The following MRPL2 variants were observed in gnomAD, a reference collection of about 807,000 sequenced individuals.
The protein encoded by MRPL2 is mitochondrial ribosomal protein L2, also known as large ribosomal subunit protein uL2m.
In MRPL2, 27 loss-of-function variants were observed where a neutral mutation model predicts 34.6. The observed-to-expected ratio is 0.78, with a 90% CI of 0.58 to 1.08. The LOEUF (loss-of-function observed/expected upper bound fraction) is 1.08. Among genes scored for constraint, MRPL2 ranks in the 50% least tolerant of loss-of-function variants. The probability of loss-of-function intolerance (pLI) is 0.00; values close to 1 mark genes in which losing one functional copy is unlikely to be tolerated. For synonymous variants in MRPL2, 155 were observed against 158.0 expected (o/e 0.98, Z 0.14); for missense variants, 414 against 419.3 (o/e 0.99, Z 0.11).
intron 6 of MRPL2, 142 bp from the exon 7 acceptor site, chr6:43,054,628 G>T: frequency 1.5e-6 from 1 of 669,876 alleles, no homozygotes; most frequent in Non-Finnish European, 2.5e-6. Context: ...CTGACACTAA[G>T]TGAAGGTCCT....
At chr6:43,058,980 G>C in intron 1 of MRPL2, 4 of 690,078 alleles carry the variant, frequency 5.8e-6, no homozygotes, top group Non-Finnish European at 9.5e-6. Flanking sequence ...TTTGAAAGGA[G>C]TTCATTTATT....
intron 2 of MRPL2, among the ~76,000 whole-genome samples, chr6:43,056,820 G>A (rs1443930771): frequency 3.3e-5 from 5 of 151,996 alleles, no homozygotes; most frequent in African/African-American, 9.6e-5. Flanking sequence ...GACTACAGGT[G>A]CCCACCACCA....
In MRPL2 at chr6:43,054,482, A is replaced by G. The variant is rs758103606; in HGVS notation, c.710T>C (p.Leu237Pro). The change falls in exon 7 of 7, where the codon CTG becomes CCG. Residue 237 changes from leucine (L) to proline (P), a missense_variant. Physicochemically the swap from Leu to Pro is moderately conservative, Grantham distance 98 (BLOSUM62 -3). Transcript: ENST00000388752. ...GCCTACTGTTGCTACGCACGTTTCC[A>G]GCACCTGACAGAGAAAACAGATGGA... ...QLPSKRQMQV[L>P]ETCVATVGRV... 1 of 1,613,988 alleles carries G rather than the reference A, an allele frequency of 6.2e-7. No individual in the cohort carries two copies. Among genetic ancestry groups the G allele is most frequent in the South Asian group, 1.1e-5 (1 of 91,088 alleles).
Position 43,054,241 on chromosome 6 carries a change from G to C in MRPL2, c.*33C>G, listed in dbSNP as rs578105793. Reference sequence around the variant, plus strand: ...AAACCACAGTAACAGATTAAAACGGGGGGGGGGGGCATTTTATTAGAGTAC... The same window carrying C: ...AAACCACAGTAACAGATTAAAACGGCGGGGGGGGGCATTTTATTAGAGTAC... On this transcript the variant is annotated 3_prime_UTR_variant, in exon 7 of 7. Coordinates refer to ENST00000388752, the MANE Select transcript of MRPL2 (RefSeq NM_015950.5). 16 of 1,347,070 alleles carry C rather than the reference G, an allele frequency of 1.2e-5. No individual in the cohort carries two copies. Among genetic ancestry groups the C allele is most frequent in the South Asian group, 4.1e-5 (3 of 73,614 alleles). The allele number at this position is 1,347,070 out of a possible 1,614,324, so 83.4% of individuals were successfully genotyped here.
upstream of MRPL2, chr6:43,059,683 C>A (rs998914587): frequency 7.5e-7 from 1 of 1,336,848 alleles, no homozygotes. Flanking sequence ...CGGCAGATTG[C>A]AGGTGAGTCT....
intron 1 of MRPL2, 183 bp downstream of exon 1, chr6:43,059,103 G>T: frequency 1.3e-6 from 2 of 1,525,928 alleles, no homozygotes; most frequent in African/African-American, 1.4e-5. Flanking sequence ...CTCGTCTGAA[G>T]AATTTCGCCC....
Position 43,058,176 on chromosome 6 carries a change from G to A in MRPL2, c.154C>T (p.Pro52Ser). ...PSALMLLPCR[P>S]VLTSVALNAN... ...TTAAGGGCCACAGAAGTAAGAACTGGGCGGCAGGGGAGCAACATCAAGGCA... is the reference window on the plus strand; with the variant it reads ...TTAAGGGCCACAGAAGTAAGAACTGAGCGGCAGGGGAGCAACATCAAGGCA... Residue 52 changes from proline to serine, a missense_variant, in exon 2 of 7, where the codon CCA becomes TCA. Coordinates refer to ENST00000388752, the MANE Select transcript of MRPL2 (RefSeq NM_015950.5). 6.2e-7 allele frequency: 1 copy of A among 1,614,186 alleles called. No homozygotes were observed. Among genetic ancestry groups the A allele is most frequent in the Non-Finnish European group, 8.5e-7 (1 of 1,180,036 alleles).
intron 6 of MRPL2, 66 bp from the exon 7 acceptor site, chr6:43,054,552 A>C: frequency 7.0e-7 from 1 of 1,437,346 alleles, no homozygotes; most frequent in Non-Finnish European, 9.7e-7. Context: ...TGTTGAGAGC[A>C]CACCCTTGGG....
upstream of MRPL2, chr6:43,059,698 G>T: frequency 7.6e-7 from 1 of 1,307,258 alleles, no homozygotes; most frequent in Non-Finnish European, 9.7e-7. Flanking sequence ...GAGTCTTTGA[G>T]GGTATCCTGG....
upstream of MRPL2, chr6:43,059,673 C>A (rs866718898): frequency 3.0e-6 from 4 of 1,341,104 alleles, no homozygotes; most frequent in South Asian, 6.0e-5. Flanking sequence ...GCAGCCACAC[C>A]GGCAGATTGC....
intron 6 of MRPL2, among the ~76,000 whole-genome samples, chr6:43,054,962 C>G (rs996570693): frequency 2.6e-5 from 4 of 151,850 alleles, no homozygotes; most frequent in Non-Finnish European, 5.9e-5. Context: ...CCTGTAGTCC[C>G]AGCTACTTGG....
At position 43,055,636 on chromosome 6, in the gene MRPL2, T is replaced by C. The variant is rs775524224; in HGVS notation, c.632-18A>G. 1.9e-6 allele frequency: 3 copies of C among 1,613,772 alleles called. No individual in the cohort carries two copies. In the African/African-American group the frequency reaches 4.0e-5, roughly 22 times the overall value. On this transcript the variant is annotated intron_variant, in intron 5 of 6. Transcript: ENST00000388752. The stretch of plus-strand genomic sequence containing the variant: ...ACACGTCCCTGGGGAAAGAAGCTGA[T>C]TTGCCACCCTCCACAAAACAGGGGG...
Position 43,054,342 on chromosome 6 carries a change from G to C in MRPL2, c.850C>G (p.Arg284Gly), listed in dbSNP as rs771712024. 2 of 1,613,780 alleles carry C rather than the reference G, an allele frequency of 1.2e-6. No individual in the cohort carries two copies. Among genetic ancestry groups the C allele is most frequent in the Non-Finnish European group, 1.7e-6 (2 of 1,179,998 alleles). ...ATGGGGGGTAGTGGCCGAATCTTTC[G>C]GCCAGCCCAGCCCCCCTTGCGGTGC... ...RWHRKGGWAG[R>G]KIRPLPPMKS... Residue 284 changes from arginine (R) to glycine (G), a missense_variant, in exon 7 of 7, where the codon CGA becomes GGA. Transcript: ENST00000388752.
At chr6:43,057,834 G>A (rs1219169423) in intron 2 of MRPL2, 4 of 480,396 alleles carry the variant, frequency 8.3e-6, no homozygotes, top group South Asian at 4.3e-5. Context: ...CCTGTGTATG[G>A]CCCATTTTCT....
chr6:43,059,670 C>G (rs1042876380), upstream of MRPL2: 1 of 1,346,782 alleles, frequency 7.4e-7, no homozygotes, highest in Non-Finnish European at 9.5e-7. Context: ...GCGGCAGCCA[C>G]ACCGGCAGAT....
At chr6:43,059,461 T>C (rs1765015666), upstream of MRPL2, 3 of 1,466,578 alleles carry the variant, frequency 2.0e-6, no homozygotes, top group East Asian at 2.5e-5. Flanking sequence ...CGCTCCGCAA[T>C]AACGTAAAAG....
chr6:43,059,031 C>G (rs1764987447), intron 1 of MRPL2: 2 of 1,136,556 alleles, frequency 1.8e-6, no homozygotes, highest in Non-Finnish European at 1.2e-6. Context: ...CATAGGCACT[C>G]GAAACGTTAT....
chr6:43,059,716 G>T, upstream of MRPL2: 1 of 1,276,288 alleles, frequency 7.8e-7, no homozygotes, highest in Non-Finnish European at 9.9e-7. Flanking sequence ...TGGGGCTGAA[G>T]GTTAAGGTCT....
At position 43,054,431 on chromosome 6, in the gene MRPL2, T is replaced by G. The variant is rs1205207558; in HGVS notation, c.761A>C (p.Lys254Thr). 1 of 1,614,222 alleles carries G rather than the reference T, an allele frequency of 6.2e-7. No homozygotes were observed. Among genetic ancestry groups the G allele is most frequent in the Admixed American group, 1.7e-5 (1 of 60,020 alleles). Residue 254 changes from lysine to threonine, a missense_variant, in exon 7 of 7, where the codon AAA becomes ACA. Physicochemically the swap from Lys to Thr is moderately conservative, Grantham distance 78. Coordinates refer to ENST00000388752, the MANE Select transcript of MRPL2 (RefSeq NM_015950.5). ...GCGACCTGCCTTGCCAATGACCCGT[T>G]TGTTATGATCAACGTTGGATACTCG... ...VGRVSNVDHNKRVIGKAGRNR... is the reference protein window; with the variant it reads ...VGRVSNVDHNTRVIGKAGRNR...
Sources: allele counts gnomAD v4.1 joint callset (sites outside exome capture counted in the v4.1 genomes callset), GRCh38; gene constraint gnomAD v4.1.1; transcripts MANE v1.5; gene names NCBI Gene and HGNC (gene_info 2026-07-23, HGNC 2026-07-21).